The following SIK3 variants were observed in gnomAD, a reference collection of about 807,000 sequenced individuals.
The protein encoded by SIK3 is serine/threonine-protein kinase SIK3.
SIK3 carries 28 observed loss-of-function variants against 144.2 expected under a neutral mutation model. The observed-to-expected ratio is 0.19, with a 90% CI of 0.14 to 0.27. The LOEUF is 0.27. Among genes scored for constraint, SIK3 ranks in the 10% least tolerant of loss-of-function variants. SIK3 has a pLI of 1.00. For missense variants in SIK3, 1,319 were observed against 1,776.0 expected, an observed-to-expected ratio of 0.74 and a Z score of 4.62; for synonymous variants, 686 against 676.3, an observed-to-expected ratio of 1.01 and a Z score of -0.22.
intron 1 of SIK3, among the ~76,000 whole-genome samples, chr11:117,064,956 C>T (rs965556648): frequency 2.6e-5 from 4 of 151,884 alleles, no homozygotes; most frequent in Non-Finnish European, 5.9e-5. Flanking sequence ...AAAACCAGCC[C>T]GGTCAGCATG....
At chr11:116,924,991 A>T (rs1268487752) in intron 4 of SIK3, among the ~76,000 whole-genome samples, 1 of 152,112 alleles carries the variant, frequency 6.6e-6, no homozygotes, top group East Asian at 1.9e-4. Context: ...ATGATTAAAG[A>T]TCTTAAAATG....
intron 6 of SIK3, among the ~76,000 whole-genome samples, chr11:116,880,917 A>G (rs946544274): frequency 2.0e-5 from 3 of 152,128 alleles, no homozygotes; most frequent in Non-Finnish European, 2.9e-5. Flanking sequence ...TGAGGCTAGG[A>G]GTTCGAGACC....
At chr11:116,866,106 G>A (rs1367199710) in intron 15 of SIK3, among the ~76,000 whole-genome samples, 1 of 152,108 alleles carries the variant, frequency 6.6e-6, no homozygotes, top group Non-Finnish European at 1.5e-5. Flanking sequence ...GGTCCAGTGT[G>A]GACCTCCTTG....
At chr11:117,084,370 T>C (rs1954917414) in intron 1 of SIK3, among the ~76,000 whole-genome samples, 1 of 152,134 alleles carries the variant, frequency 6.6e-6, no homozygotes, top group African/African-American at 2.4e-5. Context: ...GTTCAAGCAA[T>C]TCTCCTGCCT....
intron 1 of SIK3, among the ~76,000 whole-genome samples, chr11:117,096,156 C>G (rs962944489): frequency 6.6e-6 from 1 of 152,314 alleles, no homozygotes; most frequent in Non-Finnish European, 1.5e-5. Flanking sequence ...ATAGAAATGT[C>G]TCTTTTATAT....
chr11:117,096,505 A>G (rs1377966580), intron 1 of SIK3, among the ~76,000 whole-genome samples: 2 of 152,196 alleles, frequency 1.3e-5, no homozygotes, highest in East Asian at 1.9e-4. Flanking sequence ...TGGGGTGGCA[A>G]GTGAGGAGCA....
chr11:116,973,551 AT>A lies in SIK3; in HGVS notation c.274-16488del. 1.3e-5 allele frequency among the ~76,000 whole-genome samples: 2 copies of A among 152,346 alleles called. 1 individual carries two copies. Among genetic ancestry groups the A allele is most frequent in the Middle Eastern group, 6.8e-3 (2 of 294 alleles). On this transcript the variant is annotated intron_variant, in intron 1 of 24. Transcript: ENST00000445177. ...ACTTTTTTCAATTGCACAAAATGCT[AT>A]CAAAAGCATGTGCATCTAATGACTT...
chr11:116,927,081 AT>A (rs34899537), intron 4 of SIK3, 137 bp downstream of exon 4: 36,399 of 551,622 alleles, frequency 0.066, 1,115 homozygotes, highest in East Asian at 0.11. Flanking sequence ...TTTTCAGGCT[AT>A]TTTTTTTTTC....
chr11:116,944,990 C>T (rs1948510750), intron 3 of SIK3, among the ~76,000 whole-genome samples: 2 of 151,408 alleles, frequency 1.3e-5, no homozygotes, highest in Non-Finnish European at 2.9e-5. Context: ...GACGGAGTCT[C>T]GCTCTGTCCC....
rs1387139679 is a variant in SIK3 at position 116,846,078 on chromosome 11, G to A, written c.*13+305C>T. ...GAGGTCACCTGCATCCTCTGGAGCC[G>A]TAGCTCACTTCTGTCGCTATGAAGG... On this transcript the variant is annotated intron_variant, in intron 24 of 24. Transcript: ENST00000445177. This position sits in a 1 kb window ranked among gnomAD's most constrained non-coding sequence, Gnocchi z 4.1. Among the ~76,000 whole-genome samples the A allele has an allele frequency of 3.3e-5, 5 of 152,160 alleles. No individual in the cohort carries two copies. The highest frequency in any genetic ancestry group is 5.9e-5 in the Non-Finnish European group (4 of 68,032).
At chr11:117,066,408 T>C (rs1401356825) in intron 1 of SIK3, among the ~76,000 whole-genome samples, 9 of 145,560 alleles carry the variant, frequency 6.2e-5, no homozygotes, top group African/African-American at 2.3e-4. Flanking sequence ...GCTGAAAGAA[T>C]GAAAAAATAA....
chr11:116,979,918 G>C (rs1950081889), intron 1 of SIK3, among the ~76,000 whole-genome samples: 3 of 152,026 alleles, frequency 2.0e-5, no homozygotes, highest in South Asian at 4.2e-4. Context: ...AAAAGTTTGG[G>C]ATCCACTAGA....
chr11:116,942,034 A>G (rs894796662), intron 3 of SIK3, among the ~76,000 whole-genome samples: 1 of 152,226 alleles, frequency 6.6e-6, no homozygotes, highest in Admixed American at 6.5e-5. Context: ...TTCATGAAAT[A>G]ACCAATTACT....
chr11:117,035,080 T>C (rs1318102089), intron 1 of SIK3, among the ~76,000 whole-genome samples: 1 of 152,248 alleles, frequency 6.6e-6, no homozygotes, highest in African/African-American at 2.4e-5. Flanking sequence ...TTTATTTATC[T>C]CTTGGTTGTT....
At chr11:117,097,113 C>T (rs530756724) in intron 1 of SIK3, among the ~76,000 whole-genome samples, 11 of 152,244 alleles carry the variant, frequency 7.2e-5, no homozygotes, top group East Asian at 3.9e-4. Context: ...TCCAGTCCTC[C>T]CAACGAAGGC....
At chr11:116,935,444 A>G (rs1330501127) in intron 3 of SIK3, among the ~76,000 whole-genome samples, 1 of 152,164 alleles carries the variant, frequency 6.6e-6, no homozygotes, top group East Asian at 1.9e-4. Flanking sequence ...GTCTTCATAA[A>G]AAACATGCCA....
rs188765539 is a variant in SIK3, at chr11:116,982,572, G to A, written c.274-25508C>T. On this transcript the variant is annotated intron_variant, in intron 1 of 24. Coordinates refer to ENST00000445177, the MANE Select transcript of SIK3 (RefSeq NM_001366686.3). Reference sequence around the variant, plus strand: ...CAAAGTGCTGGGATTACAGGCGTGCGCCACTATGCCCGGCCTCAATTATTT... The same window carrying A: ...CAAAGTGCTGGGATTACAGGCGTGCACCACTATGCCCGGCCTCAATTATTT... 1.5e-3 allele frequency among the ~76,000 whole-genome samples: 235 copies of A among 152,134 alleles called. 1 individual carries two copies. Among genetic ancestry groups the A allele is most frequent in the Non-Finnish European group, 2.8e-3 (189 of 67,998 alleles).
rs555429198 is a variant in SIK3, at chr11:116,884,541, A to G, written c.866-7499T>C. 9.9e-5 allele frequency among the ~76,000 whole-genome samples: 15 copies of G among 151,280 alleles called. No homozygotes were observed. In the South Asian group the frequency reaches 2.9e-3, roughly 30 times the overall value. On this transcript the variant is annotated intron_variant, in intron 6 of 24. Coordinates refer to ENST00000445177, the MANE Select transcript of SIK3 (RefSeq NM_001366686.3). ...CGCCCAGCTAATTTTTTGTATTTTTAGTAGAGGTGGGGTTTCACCGTGTTA... is the reference window on the plus strand; with the variant it reads ...CGCCCAGCTAATTTTTTGTATTTTTGGTAGAGGTGGGGTTTCACCGTGTTA...
chr11:116,887,465 A>T (rs902589804), intron 6 of SIK3, among the ~76,000 whole-genome samples: 7 of 151,936 alleles, frequency 4.6e-5, no homozygotes, highest in Non-Finnish European at 8.8e-5. Flanking sequence ...AAAAATACAA[A>T]AATTAGCTGG....
Sources: allele counts gnomAD v4.1 joint callset (sites outside exome capture counted in the v4.1 genomes callset), GRCh38; gene constraint gnomAD v4.1.1; non-coding constraint Gnocchi (gnomAD v3.1); transcripts MANE v1.5; gene names NCBI Gene and HGNC (gene_info 2026-07-23, HGNC 2026-07-21).